The following ROBO2 variants were observed in gnomAD, a reference collection of about 807,000 sequenced individuals.
ROBO2 encodes roundabout homolog 2.
In ROBO2, 53 loss-of-function variants were observed where a neutral mutation model predicts 160.8. That is an observed-to-expected ratio of 0.33 (90% CI 0.26 to 0.41). The LOEUF (loss-of-function observed/expected upper bound fraction) is 0.41, where lower values mean the gene tolerates loss of function less well. ROBO2 is among the 10% of genes least tolerant of loss of function. ROBO2 has a pLI of 1.00. For synonymous variants in ROBO2, 664 were observed against 611.7 expected (o/e 1.09, Z -1.26); for missense variants, 1,577 against 1,722.4 (o/e 0.92, Z 1.49).
chr3:76,394,265 C>T (rs2077307210), intron 2 of ROBO2, among the ~76,000 whole-genome samples: 1 of 152,016 alleles, frequency 6.6e-6, no homozygotes, highest in African/African-American at 2.4e-5. Flanking sequence ...TGGCTGGTAC[C>T]AGTTGTTCCT....
At chr3:76,291,286 T>G (rs900073897) in intron 2 of ROBO2, among the ~76,000 whole-genome samples, 9 of 152,126 alleles carry the variant, frequency 5.9e-5, no homozygotes, top group Non-Finnish European at 8.8e-5. Flanking sequence ...GCTTGCATGT[T>G]TCCAGGAATT....
intron 2 of ROBO2, among the ~76,000 whole-genome samples, chr3:76,778,385 C>T (rs1173515060): frequency 6.6e-6 from 1 of 151,078 alleles, no homozygotes; most frequent in Admixed American, 6.6e-5. Context: ...TGTTTTAGTT[C>T]TGGATCAGGG....
At chr3:76,090,301 G>GA (rs1426121248) in intron 2 of ROBO2, among the ~76,000 whole-genome samples, 2 of 152,016 alleles carry the variant, frequency 1.3e-5, no homozygotes, top group African/African-American at 4.8e-5. Flanking sequence ...TCTCCAGTAA[G>GA]AATAGTGGCA....
intron 21 of ROBO2, among the ~76,000 whole-genome samples, chr3:77,613,006 G>A (rs1423727505): frequency 1.3e-5 from 2 of 152,106 alleles, no homozygotes; most frequent in African/African-American, 4.8e-5. Flanking sequence ...TCTAGTTAAT[G>A]GGAATAGCTA....
intron 2 of ROBO2, among the ~76,000 whole-genome samples, chr3:76,991,058 G>A (rs1252055879): frequency 1.3e-5 from 2 of 152,078 alleles, no homozygotes; most frequent in African/African-American, 2.4e-5. Context: ...TGCCCACTTG[G>A]CCCTCTTCCA....
chr3:76,226,701 T>A (rs1020262822), intron 2 of ROBO2, among the ~76,000 whole-genome samples: 4 of 152,180 alleles, frequency 2.6e-5, no homozygotes, highest in African/African-American at 9.7e-5. Flanking sequence ...CTCCTTTACT[T>A]TTTCTTATTT....
chr3:77,642,737 A>C, intron 24 of ROBO2: 1 of 456,734 alleles, frequency 2.2e-6, no homozygotes, highest in South Asian at 1.5e-5. Flanking sequence ...CCGAGCCAGC[A>C]GGCTGGTAAC....
intron 2 of ROBO2, among the ~76,000 whole-genome samples, chr3:76,504,235 A>G (rs1369679660): frequency 6.6e-6 from 1 of 152,240 alleles, no homozygotes; most frequent in Non-Finnish European, 1.5e-5. Flanking sequence ...GACGTTGGTC[A>G]TGTTCACTAT....
chr3:76,257,800 C>G (rs1312931040), intron 2 of ROBO2, among the ~76,000 whole-genome samples: 2 of 152,134 alleles, frequency 1.3e-5, no homozygotes, highest in East Asian at 3.9e-4. Context: ...TCCTTTCTCT[C>G]ACTTATTATA....
chr3:76,492,580 A>G (rs1163683913), intron 2 of ROBO2, among the ~76,000 whole-genome samples: 1 of 151,416 alleles, frequency 6.6e-6, no homozygotes, highest in African/African-American at 2.4e-5. Flanking sequence ...AACAGGGAGG[A>G]AAAATAATCA....
chr3:76,267,842 A>G (rs937874540), intron 2 of ROBO2, among the ~76,000 whole-genome samples: 2 of 152,156 alleles, frequency 1.3e-5, no homozygotes, highest in African/African-American at 4.8e-5. Context: ...CCCTAAAAGC[A>G]ATTACTTACT....
chr3:76,049,524 G>A (rs898990618), intron 2 of ROBO2, among the ~76,000 whole-genome samples: 14 of 149,452 alleles, frequency 9.4e-5, no homozygotes, highest in Admixed American at 2.7e-4. Flanking sequence ...GATTACAGGC[G>A]AGAGCCGTGG....
At chr3:76,435,562 G>T in intron 2 of ROBO2, 1 of 579,212 alleles carries the variant, frequency 1.7e-6, no homozygotes. Flanking sequence ...ACAGCTACCT[G>T]CCTTCACTGA....
chr3:76,072,664 A>C (rs781537214), intron 2 of ROBO2, among the ~76,000 whole-genome samples: 2 of 152,156 alleles, frequency 1.3e-5, no homozygotes, highest in African/African-American at 2.4e-5. Flanking sequence ...TTAATATCAT[A>C]TATTATTCTT....
At chr3:76,912,146 C>T (rs982245883) in intron 2 of ROBO2, among the ~76,000 whole-genome samples, 10 of 152,110 alleles carry the variant, frequency 6.6e-5, no homozygotes, top group East Asian at 5.8e-4. Context: ...TTTGTGATCC[C>T]GAGCAAATTA....
intron 2 of ROBO2, among the ~76,000 whole-genome samples, chr3:76,895,188 T>C (rs1423819037): frequency 1.3e-5 from 2 of 152,076 alleles, no homozygotes; most frequent in Non-Finnish European, 2.9e-5. Context: ...CATTTTTTTC[T>C]AATGTCTTTA....
At chr3:77,111,901 A>T (rs1018716138) in intron 2 of ROBO2, among the ~76,000 whole-genome samples, 2 of 152,074 alleles carry the variant, frequency 1.3e-5, no homozygotes, top group African/African-American at 4.8e-5. Context: ...TCACCATTAC[A>T]ACTGAAATGT....
chr3:76,639,839 T>C (rs1156855809), intron 2 of ROBO2, among the ~76,000 whole-genome samples: 1 of 152,134 alleles, frequency 6.6e-6, no homozygotes, highest in Admixed American at 6.5e-5. Context: ...TAAAAGCTTC[T>C]AGTAGGTCAA....
At chr3:77,231,366 A>AAAG (rs2087178082) in intron 2 of ROBO2, among the ~76,000 whole-genome samples, 1 of 149,154 alleles carries the variant, frequency 6.7e-6, no homozygotes, top group African/African-American at 2.4e-5. Flanking sequence ...CTCCATCCAA[A>AAAG]AAAAAAAAAA....
Sources: gnomAD v4.1 joint callset for allele counts (sites outside exome capture counted in the v4.1 genomes callset) on GRCh38, gnomAD v4.1.1 for gene constraint, MANE v1.5 for transcripts, NCBI Gene and HGNC (gene_info 2026-07-23, HGNC 2026-07-21) for gene names.